SEMA3A: variants seen among roughly 807,000 people sequenced by gnomAD.
SEMA3A encodes semaphorin-3A.
A neutral mutation model predicts 97.9 loss-of-function variants in SEMA3A; 29 were observed. That is an observed-to-expected ratio of 0.30 (90% CI 0.22 to 0.40). The LOEUF is 0.40. Ranked by LOEUF, SEMA3A falls within the 10% of genes least tolerant of loss-of-function variation. SEMA3A has a pLI of 1.00. For missense variants in SEMA3A, 763 were observed against 951.3 expected (o/e 0.80, Z 2.60); for synonymous variants, 321 against 323.7 (o/e 0.99, Z 0.09).
intron 5 of SEMA3A, among the ~76,000 whole-genome samples, chr7:84,052,541 T>C (rs917896718): frequency 5.3e-5 from 8 of 152,292 alleles, no homozygotes; most frequent in Non-Finnish European, 1.2e-4. Flanking sequence ...TGTATTTATG[T>C]GGGATCGGTG....
intron 1 of SEMA3A, among the ~76,000 whole-genome samples, chr7:84,485,590 G>A (rs569859575): frequency 6.6e-6 from 1 of 152,190 alleles, no homozygotes; most frequent in East Asian, 1.9e-4. Flanking sequence ...GCCCAGGCTA[G>A]TCATGAACTC....
At chr7:84,371,021 G>A (rs1468051068) in intron 2 of SEMA3A, among the ~76,000 whole-genome samples, 1 of 150,618 alleles carries the variant, frequency 6.6e-6, no homozygotes, top group Non-Finnish European at 1.5e-5. Context: ...TAAATAGGTA[G>A]GTATATAGAT....
rs143543866 is a variant in SEMA3A, at chr7:84,105,594, T to A, written c.453+4876A>T. On this transcript the variant is annotated intron_variant, in intron 4 of 16. Coordinates refer to ENST00000265362, the MANE Select transcript of SEMA3A (RefSeq NM_006080.3). ...AATTCAGCTCTCATCTGGGCCTGCC[T>A]TTTTTTTTATTTTAGATTTCCTGCC... 2.8e-3 allele frequency among the ~76,000 whole-genome samples: 422 copies of A among 151,292 alleles called. 1 individual carries two copies. The highest frequency in any genetic ancestry group is 9.7e-3 in the African/African-American group (401 of 41,244).
intron 5 of SEMA3A, among the ~76,000 whole-genome samples, chr7:84,059,613 G>T (rs548176938): frequency 6.6e-6 from 1 of 151,690 alleles, no homozygotes; most frequent in African/African-American, 2.4e-5. Context: ...TCATTTTGTT[G>T]TGCTATTAAA....
chr7:84,322,863 G>T (rs183099563), intron 2 of SEMA3A, among the ~76,000 whole-genome samples: 1 of 152,172 alleles, frequency 6.6e-6, no homozygotes, highest in South Asian at 2.1e-4. Flanking sequence ...GAAGGACTTT[G>T]CATTTGAGAA....
chr7:84,044,679 G>A (rs1792279725), intron 6 of SEMA3A, among the ~76,000 whole-genome samples: 1 of 151,984 alleles, frequency 6.6e-6, no homozygotes, highest in South Asian at 2.1e-4. Context: ...ATGAATGCCA[G>A]GTTTAAAGTA....
chr7:84,478,408 C>A (rs143759775), intron 1 of SEMA3A, among the ~76,000 whole-genome samples: 1 of 152,108 alleles, frequency 6.6e-6, no homozygotes, highest in African/African-American at 2.4e-5. Context: ...AAATTACATA[C>A]AAAACTTTTT....
chr7:84,408,787 C>T (rs543125784), intron 1 of SEMA3A, among the ~76,000 whole-genome samples: 4 of 151,412 alleles, frequency 2.6e-5, no homozygotes, highest in South Asian at 2.1e-4. Flanking sequence ...AGCAAACTAT[C>T]GCAAGGACAA....
chr7:84,263,375 A>C (rs557088815), intron 3 of SEMA3A, among the ~76,000 whole-genome samples: 24 of 152,180 alleles, frequency 1.6e-4, no homozygotes, highest in Non-Finnish European at 3.1e-4. Context: ...GAGCAAAAAA[A>C]TCTGTTTTTA....
chr7:84,139,603 C>T (rs1049500896), intron 1 of SEMA3A, among the ~76,000 whole-genome samples: 1 of 152,008 alleles, frequency 6.6e-6, no homozygotes, highest in Admixed American at 6.6e-5. Context: ...ACCATTCTTA[C>T]TATTATATAA....
intron 1 of SEMA3A, among the ~76,000 whole-genome samples, chr7:84,174,829 GTGT>G (rs1305868002): frequency 6.6e-6 from 1 of 151,964 alleles, no homozygotes; most frequent in Non-Finnish European, 1.5e-5. Context: ...AAGATTTTAG[GTGT>G]TGTTCTGTGT....
chr7:84,012,130 G>C (rs1790907916), intron 7 of SEMA3A, among the ~76,000 whole-genome samples: 1 of 152,048 alleles, frequency 6.6e-6, no homozygotes, highest in South Asian at 2.1e-4. Context: ...TCACTTAGGA[G>C]AAATGAGTTT....
At position 84,258,887 on chromosome 7, in the gene SEMA3A, T is replaced by G. The variant is rs188739060; in HGVS notation, c.-83+48320A>C. ...TCCAAAACCAACACTCTAGGGATTA[T>G]CTAAACCAGAAGGGATGATTTTTTT... On this transcript the variant is annotated intron_variant, in intron 3 of 3. Coordinates refer to the SEMA3A transcript ENST00000424555. Among the ~76,000 whole-genome samples, 515 of 152,054 alleles carry G rather than the reference T, an allele frequency of 3.4e-3. 2 individuals are homozygous for G. The highest frequency in any genetic ancestry group is 6.0e-3 in the Admixed American group (92 of 15,262).
chr7:84,275,263 C>T (rs1026840304), intron 3 of SEMA3A, among the ~76,000 whole-genome samples: 5 of 152,080 alleles, frequency 3.3e-5, no homozygotes, highest in Admixed American at 6.6e-5. Flanking sequence ...TATACTCTCT[C>T]ACTTTTGTGG....
intron 7 of SEMA3A, 98 bp downstream of exon 7, chr7:84,014,111 A>G (rs1195193444): frequency 1.0e-6 from 1 of 957,874 alleles, no homozygotes; most frequent in South Asian, 1.7e-5. Context: ...AGCTTTAGCC[A>G]TAATTTTTAT....
intron 1 of SEMA3A, among the ~76,000 whole-genome samples, chr7:84,402,971 A>G (rs2905620): frequency 0.46 from 69,588 of 151,848 alleles, 17,615 homozygotes; most frequent in East Asian, 0.79. Context: ...GAGTGTGAGC[A>G]ACGCAGAAGA....
At chr7:84,337,370 A>G (rs1802063068) in intron 2 of SEMA3A, among the ~76,000 whole-genome samples, 1 of 152,160 alleles carries the variant, frequency 6.6e-6, no homozygotes. Context: ...CCATGTCTAC[A>G]TATACTTCTA....
intron 3 of SEMA3A, among the ~76,000 whole-genome samples, chr7:84,221,330 T>C (rs919304948): frequency 6.6e-6 from 1 of 152,148 alleles, no homozygotes; most frequent in Non-Finnish European, 1.5e-5. Context: ...ATTTGCTCCA[T>C]ATCAGCAATA....
chr7:84,062,101 G>C (rs924306683), intron 4 of SEMA3A, among the ~76,000 whole-genome samples: 2 of 152,090 alleles, frequency 1.3e-5, no homozygotes, highest in Admixed American at 1.3e-4. Context: ...CATTTTAAAA[G>C]CAGCAAAATT....
Sources: gnomAD v4.1 joint callset for allele counts (sites outside exome capture counted in the v4.1 genomes callset) on GRCh38, gnomAD v4.1.1 for gene constraint, MANE v1.5 for transcripts, NCBI Gene and HGNC (gene_info 2026-07-23, HGNC 2026-07-21) for gene names.